Variants in ZCCHC7 observed in about 807,000 individuals in gnomAD.
The protein encoded by ZCCHC7 is zinc finger CCHC-type containing 7, also known as zinc finger CCHC domain-containing protein 7.
Under a neutral mutation model 52.0 loss-of-function variants are expected in ZCCHC7, and 35 were observed. The ratio of observed to expected loss-of-function variants is 0.67; its 90% CI spans 0.51 to 0.89. ZCCHC7 has a LOEUF of 0.89. Ranked by LOEUF, ZCCHC7 falls within the 40% of genes least tolerant of loss-of-function variation. The probability of loss-of-function intolerance (pLI) is 0.00; values close to 1 mark genes in which losing one functional copy is unlikely to be tolerated. For synonymous variants in ZCCHC7, 217 were observed against 221.5 expected, an observed-to-expected ratio of 0.98 and a Z score of 0.18; for missense variants, 574 against 649.1, an observed-to-expected ratio of 0.88 and a Z score of 1.26.
At chr9:37,287,919 G>A (rs530299567) in intron 2 of ZCCHC7, among the ~76,000 whole-genome samples, 1 of 151,794 alleles carries the variant, frequency 6.6e-6, no homozygotes, top group African/African-American at 2.4e-5. Flanking sequence ...AGTCAACACA[G>A]TGTGAGTTTA....
chr9:37,336,609 T>C (rs36122331), intron 6 of ZCCHC7, among the ~76,000 whole-genome samples: 1 of 152,130 alleles, frequency 6.6e-6, no homozygotes, highest in African/African-American at 2.4e-5. Flanking sequence ...AGAGCTATGG[T>C]TCTATTCTTT....
At chr9:37,254,280 G>A (rs1230980347) in intron 2 of ZCCHC7, among the ~76,000 whole-genome samples, 1 of 152,050 alleles carries the variant, frequency 6.6e-6, no homozygotes, top group Admixed American at 6.6e-5. Flanking sequence ...AATAAATGTA[G>A]TTTAAGATAA....
chr9:37,286,403 T>G (rs1828208016), intron 2 of ZCCHC7, among the ~76,000 whole-genome samples: 1 of 152,228 alleles, frequency 6.6e-6, no homozygotes, highest in Admixed American at 6.5e-5. Flanking sequence ...GGCTTATGCC[T>G]ATAATTCCAG....
chr9:37,290,202 G>C (rs1828467716), intron 2 of ZCCHC7, among the ~76,000 whole-genome samples: 1 of 152,162 alleles, frequency 6.6e-6, no homozygotes, highest in African/African-American at 2.4e-5. Flanking sequence ...AATAGTGCTT[G>C]CAAATGATAG....
chr9:37,280,454 A>C (rs1238563641), intron 2 of ZCCHC7, among the ~76,000 whole-genome samples: 1 of 152,202 alleles, frequency 6.6e-6, no homozygotes, highest in Non-Finnish European at 1.5e-5. Flanking sequence ...TTTCCAGTAT[A>C]CATTCAGCAA....
chr9:37,305,762 G>A (rs1349035445), intron 5 of ZCCHC7, 48 bp downstream of exon 5: 5 of 1,597,480 alleles, frequency 3.1e-6, no homozygotes, highest in Admixed American at 1.7e-5. Flanking sequence ...GAGGGAGTGT[G>A]CAAGTTTGTA....
At chr9:37,170,477 A>G (rs1043607452) in intron 2 of ZCCHC7, among the ~76,000 whole-genome samples, 2 of 152,216 alleles carry the variant, frequency 1.3e-5, no homozygotes, top group Admixed American at 6.5e-5. Context: ...CTTAGGAAGG[A>G]TAACTAAGAC....
chr9:37,222,351 G>GA (rs1824868040), intron 2 of ZCCHC7, among the ~76,000 whole-genome samples: 2 of 150,642 alleles, frequency 1.3e-5, no homozygotes, highest in South Asian at 4.3e-4. Flanking sequence ...GTGTGTGTGT[G>GA]TGTGTGTGTG....
At chr9:37,261,354 G>GATTGCACTCAGCCACTTC (rs1826858905) in intron 2 of ZCCHC7, among the ~76,000 whole-genome samples, 1 of 152,204 alleles carries the variant, frequency 6.6e-6, no homozygotes, top group South Asian at 2.1e-4. Context: ...ACAGACCCCA[G>GATTGCACTCAGCCACTTC]ATTGCACTCA....
chr9:37,158,939 T>TA (rs1820952613), intron 2 of ZCCHC7, among the ~76,000 whole-genome samples: 1 of 152,204 alleles, frequency 6.6e-6, no homozygotes, highest in Non-Finnish European at 1.5e-5. Context: ...GCAATCCTCC[T>TA]AGTCTTGGAA....
chr9:37,293,588 C>T (rs73450432), intron 2 of ZCCHC7, among the ~76,000 whole-genome samples: 1 of 152,218 alleles, frequency 6.6e-6, no homozygotes, highest in African/African-American at 2.4e-5. Context: ...AGGTGGGGAA[C>T]AGGCATCCAT....
At chr9:37,305,309 A>C (rs1174636366) in intron 4 of ZCCHC7, among the ~76,000 whole-genome samples, 1 of 152,224 alleles carries the variant, frequency 6.6e-6, no homozygotes, top group East Asian at 1.9e-4. Flanking sequence ...TCCTATAAGA[A>C]GAGGCATAAG....
intron 2 of ZCCHC7, among the ~76,000 whole-genome samples, chr9:37,169,144 G>T (rs938851865): frequency 6.6e-6 from 1 of 152,118 alleles, no homozygotes; most frequent in Non-Finnish European, 1.5e-5. Flanking sequence ...CTCTATTTAT[G>T]AAGAAACAAA....
At chr9:37,319,698 C>T (rs1015358193) in intron 5 of ZCCHC7, among the ~76,000 whole-genome samples, 9 of 152,174 alleles carry the variant, frequency 5.9e-5, no homozygotes, top group African/African-American at 2.2e-4. Flanking sequence ...GCTGGTATTA[C>T]AGGCATGAGC....
chr9:37,189,166 G>A (rs1048424380), intron 2 of ZCCHC7, among the ~76,000 whole-genome samples: 2 of 150,798 alleles, frequency 1.3e-5, no homozygotes, highest in African/African-American at 4.9e-5. Flanking sequence ...GTTCATCCAA[G>A]AGTGTTTGCC....
intron 2 of ZCCHC7, among the ~76,000 whole-genome samples, chr9:37,199,345 T>A (rs13291708): frequency 6.9e-6 from 1 of 144,506 alleles, no homozygotes; most frequent in Non-Finnish European, 1.5e-5. Flanking sequence ...TTTTTTTTTT[T>A]CTTGAGACGG....
At chr9:37,132,467 T>C (rs1427733914) in intron 2 of ZCCHC7, among the ~76,000 whole-genome samples, 7 of 152,150 alleles carry the variant, frequency 4.6e-5, no homozygotes, top group Non-Finnish European at 8.8e-5. Context: ...TATCTATAAC[T>C]CTGTGCCCCT....
chr9:37,159,056 A>G (rs1820959995), intron 2 of ZCCHC7, among the ~76,000 whole-genome samples: 1 of 152,234 alleles, frequency 6.6e-6, no homozygotes, highest in African/African-American at 2.4e-5. Context: ...ACAATCAGAA[A>G]TAAAGTTTAG....
chr9:37,226,903 G>C (rs1004337712), intron 2 of ZCCHC7, among the ~76,000 whole-genome samples: 1 of 151,776 alleles, frequency 6.6e-6, no homozygotes, highest in South Asian at 2.1e-4. Flanking sequence ...GGTGGTGGGC[G>C]CCTGTAGTCC....
Sources: gnomAD v4.1 joint callset for allele counts (sites outside exome capture counted in the v4.1 genomes callset) on GRCh38, gnomAD v4.1.1 for gene constraint, MANE v1.5 for transcripts, NCBI Gene and HGNC (gene_info 2026-07-23, HGNC 2026-07-21) for gene names.